RBFOX1: variants seen among roughly 807,000 people sequenced by gnomAD.
The protein encoded by RBFOX1 is RNA binding protein fox-1 homolog 1.
RBFOX1 carries 8 observed loss-of-function variants against 57.7 expected under a neutral mutation model. The ratio of observed to expected loss-of-function variants is 0.14; its 90% CI spans 0.08 to 0.25. RBFOX1 has a LOEUF of 0.25. Among genes scored for constraint, RBFOX1 ranks in the 10% least tolerant of loss-of-function variants. RBFOX1 has a pLI of 1.00. For missense variants in RBFOX1, 611 were observed against 548.5 expected (o/e 1.11, Z -1.14); for synonymous variants, 326 against 222.4 (o/e 1.47, Z -4.15).
intron 4 of RBFOX1, among the ~76,000 whole-genome samples, chr16:7,265,271 C>G (rs977931576): frequency 6.6e-6 from 1 of 151,562 alleles, no homozygotes; most frequent in Non-Finnish European, 1.5e-5. Flanking sequence ...GTAGGATGGT[C>G]TAGTTATCAT....
At chr16:7,262,720 A>T (rs907359616) in intron 4 of RBFOX1, among the ~76,000 whole-genome samples, 4 of 152,228 alleles carry the variant, frequency 2.6e-5, no homozygotes, top group African/African-American at 9.6e-5. Flanking sequence ...GGTTATCACC[A>T]AGGAGAGGGC....
At chr16:6,793,667 G>A (rs1471295621) in intron 3 of RBFOX1, among the ~76,000 whole-genome samples, 1 of 152,252 alleles carries the variant, frequency 6.6e-6, no homozygotes, top group African/African-American at 2.4e-5. Flanking sequence ...ATTATAACTT[G>A]CTCTGTAGGA....
At chr16:6,268,374 C>G (rs1319115901) in intron 1 of RBFOX1, among the ~76,000 whole-genome samples, 1 of 151,786 alleles carries the variant, frequency 6.6e-6, no homozygotes, top group Non-Finnish European at 1.5e-5. Context: ...TGCTCAGACC[C>G]TAACTGTCTT....
Position 5,782,838 on chromosome 16 carries a change from G to A in RBFOX1, c.319-84465G>A, listed in dbSNP as rs535374686. On this transcript the variant is annotated intron_variant, in intron 3 of 19. Transcript: ENST00000641259. The stretch of plus-strand genomic sequence containing the variant: ...CTGATGTTGTAAATCCCAGTTGGAG[G>A]GTATGAGAAGATGAACTGAGATGTT... Among the ~76,000 whole-genome samples, 315 of 152,268 alleles carry A rather than the reference G, an allele frequency of 2.1e-3. 4 individuals are homozygous for A. Among genetic ancestry groups the A allele is most frequent in the Non-Finnish European group, 3.7e-3 (255 of 68,018 alleles).
At chr16:7,311,244 C>T (rs2096299525) in intron 4 of RBFOX1, among the ~76,000 whole-genome samples, 1 of 152,150 alleles carries the variant, frequency 6.6e-6, no homozygotes, top group Non-Finnish European at 1.5e-5. Flanking sequence ...GCAGTCCTAC[C>T]CTGTTTTGAT....
At chr16:5,855,127 C>G (rs915377586) in intron 3 of RBFOX1, among the ~76,000 whole-genome samples, 1 of 152,084 alleles carries the variant, frequency 6.6e-6, no homozygotes, top group African/African-American at 2.4e-5. Flanking sequence ...TGAATATTAT[C>G]CCCTTATTAG....
chr16:7,559,350 C>T (rs1254277581), intron 5 of RBFOX1, among the ~76,000 whole-genome samples: 1 of 152,098 alleles, frequency 6.6e-6, no homozygotes, highest in African/African-American at 2.4e-5. Context: ...TCTCTTTCTC[C>T]CTCTCTTCCT....
At chr16:5,275,793 A>T (rs2063126328) in intron 1 of RBFOX1, among the ~76,000 whole-genome samples, 1 of 152,240 alleles carries the variant, frequency 6.6e-6, no homozygotes, top group Non-Finnish European at 1.5e-5. Context: ...ACTATATTAC[A>T]AGGCTATAGT....
intron 3 of RBFOX1, among the ~76,000 whole-genome samples, chr16:5,861,066 A>T (rs1352382685): frequency 1.3e-4 from 20 of 152,164 alleles, no homozygotes. Context: ...TGCAAGGTGA[A>T]CAATCTCAGT....
chr16:7,010,755 T>A (rs2153655150), intron 3 of RBFOX1, among the ~76,000 whole-genome samples: 1 of 152,142 alleles, frequency 6.6e-6, no homozygotes, highest in South Asian at 2.1e-4. Flanking sequence ...AGTAGAGACA[T>A]GGTTTCTCCA....
At chr16:6,172,962 G>C (rs1007618414) in intron 1 of RBFOX1, among the ~76,000 whole-genome samples, 1 of 152,130 alleles carries the variant, frequency 6.6e-6, no homozygotes, top group African/African-American at 2.4e-5. Flanking sequence ...GCATCCTGCA[G>C]ACCTTAGCTC....
At chr16:7,036,742 A>C (rs904124173) in intron 3 of RBFOX1, among the ~76,000 whole-genome samples, 1 of 121,728 alleles carries the variant, frequency 8.2e-6, no homozygotes, top group Admixed American at 7.7e-5. Flanking sequence ...AAGAAAAAAA[A>C]AAAGAAAGAA....
chr16:6,404,627 G>A lies in RBFOX1; in HGVS notation c.-64+87570G>A, dbSNP rs1044380292. On this transcript the variant is annotated intron_variant, in intron 2 of 15. Coordinates refer to ENST00000550418, the MANE Select transcript of RBFOX1 (RefSeq NM_018723.4). ...GCAGCAGTCCTAGTTTGCTTGGGAC[G>A]GGGAGGTTTTCATGGACGCATCATC... Among the ~76,000 whole-genome samples, 5 of 152,034 alleles carry A rather than the reference G, an allele frequency of 3.3e-5. No homozygotes were observed. In the South Asian group the frequency reaches 6.2e-4, roughly 19 times the overall value.
intron 1 of RBFOX1, among the ~76,000 whole-genome samples, chr16:5,309,254 GT>G (rs931425551): frequency 2.2e-4 from 33 of 152,070 alleles, no homozygotes; most frequent in Non-Finnish European, 1.3e-4. Context: ...TGTTTAAAAG[GT>G]TTTTCTCAGT....
intron 2 of RBFOX1, among the ~76,000 whole-genome samples, chr16:5,526,861 G>A (rs1454024283): frequency 1.3e-5 from 2 of 152,200 alleles, no homozygotes; most frequent in Non-Finnish European, 2.9e-5. Context: ...AAGACTCCTT[G>A]CATGGGAATC....
At chr16:6,974,623 G>C (rs986871333) in intron 3 of RBFOX1, among the ~76,000 whole-genome samples, 1 of 152,064 alleles carries the variant, frequency 6.6e-6, no homozygotes, top group African/African-American at 2.4e-5. Flanking sequence ...GGGATTACAG[G>C]CGTGAGTCAC....
chr16:7,652,791 C>T (rs1238047193), intron 11 of RBFOX1, among the ~76,000 whole-genome samples: 1 of 152,178 alleles, frequency 6.6e-6, no homozygotes, highest in Non-Finnish European at 1.5e-5. Flanking sequence ...AAATGCTGCA[C>T]AGGAGTTCAG....
intron 3 of RBFOX1, among the ~76,000 whole-genome samples, chr16:6,862,837 T>C (rs1358736663): frequency 6.6e-6 from 1 of 151,836 alleles, no homozygotes; most frequent in East Asian, 1.9e-4. Flanking sequence ...ATACAAAAAT[T>C]AGCCAGTCAT....
intron 1 of RBFOX1, among the ~76,000 whole-genome samples, chr16:5,356,327 A>G (rs970180963): frequency 6.6e-6 from 1 of 152,204 alleles, no homozygotes; most frequent in African/African-American, 2.4e-5. Flanking sequence ...GTGAGCCGAT[A>G]CATTTCTGTT....
Sources: gnomAD v4.1 joint callset for allele counts (sites outside exome capture counted in the v4.1 genomes callset) on GRCh38, gnomAD v4.1.1 for gene constraint, MANE v1.5 for transcripts, NCBI Gene and HGNC (gene_info 2026-07-23, HGNC 2026-07-21) for gene names.